Variants in PTPRO observed in about 807,000 individuals in gnomAD.
PTPRO encodes protein tyrosine phosphatase receptor type O.
In PTPRO, 62 loss-of-function variants were observed where a neutral mutation model predicts 145.2. The observed-to-expected ratio is 0.43, with a 90% CI of 0.35 to 0.53. The LOEUF (loss-of-function observed/expected upper bound fraction) is 0.53, where lower values mean the gene tolerates loss of function less well. PTPRO is among the 20% of genes least tolerant of loss of function. PTPRO has a pLI of 0.01. For synonymous variants in PTPRO, 565 were observed against 514.7 expected (o/e 1.10, Z -1.32); for missense variants, 1,345 against 1,482.7 (o/e 0.91, Z 1.53).
At chr12:15,569,798 A>G (rs1943996754) in intron 19 of PTPRO, among the ~76,000 whole-genome samples, 1 of 152,186 alleles carries the variant, frequency 6.6e-6, no homozygotes, top group Non-Finnish European at 1.5e-5. Context: ...ACAAGAAGAA[A>G]AATGCAAGCT....
intron 13 of PTPRO, among the ~76,000 whole-genome samples, chr12:15,546,967 C>T (rs901390195): frequency 2.0e-5 from 3 of 152,020 alleles, no homozygotes; most frequent in African/African-American, 7.2e-5. Context: ...GGTAGTAGGC[C>T]ATTGAATTGA....
At chr12:15,340,013 T>C (rs1020958976) in intron 1 of PTPRO, among the ~76,000 whole-genome samples, 1 of 152,172 alleles carries the variant, frequency 6.6e-6, no homozygotes, top group African/African-American at 2.4e-5. Context: ...AATGATTTAG[T>C]TCTTCCAAGC....
intron 1 of PTPRO, among the ~76,000 whole-genome samples, chr12:15,467,842 A>T (rs1430423768): frequency 6.6e-6 from 1 of 152,214 alleles, no homozygotes; most frequent in Non-Finnish European, 1.5e-5. Flanking sequence ...TCCATGGATG[A>T]TCCACTCATA....
At chr12:15,565,311 T>A in intron 17 of PTPRO, 1 of 294,648 alleles carries the variant, frequency 3.4e-6, no homozygotes, top group Non-Finnish European at 6.3e-6. Context: ...AGCAACTTAA[T>A]CAACAGCAGT....
intron 1 of PTPRO, among the ~76,000 whole-genome samples, chr12:15,369,522 G>A (rs1040014945): frequency 9.9e-5 from 15 of 151,930 alleles, no homozygotes; most frequent in African/African-American, 2.7e-4. Context: ...AATAATTGAT[G>A]GGCCATTAAT....
intron 1 of PTPRO, among the ~76,000 whole-genome samples, chr12:15,370,647 C>T (rs1428133973): frequency 6.6e-6 from 1 of 151,494 alleles, no homozygotes; most frequent in Admixed American, 6.6e-5. Flanking sequence ...ATTCTTAATC[C>T]ATAAAACATT....
intron 1 of PTPRO, among the ~76,000 whole-genome samples, chr12:15,397,539 T>C (rs928630004): frequency 5.3e-5 from 8 of 152,154 alleles, no homozygotes; most frequent in African/African-American, 1.7e-4. Context: ...TTGCCTGAAA[T>C]TGGATTTCAC....
chr12:15,548,233 T>C (rs1943349637), intron 13 of PTPRO, among the ~76,000 whole-genome samples: 1 of 152,070 alleles, frequency 6.6e-6, no homozygotes, highest in African/African-American at 2.4e-5. Context: ...AACTACAATA[T>C]ACAATTTTCA....
intron 17 of PTPRO, among the ~76,000 whole-genome samples, chr12:15,564,682 G>C (rs1012084983): frequency 6.6e-6 from 1 of 152,152 alleles, no homozygotes; most frequent in Non-Finnish European, 1.5e-5. Flanking sequence ...ATTACAACTG[G>C]TTATTTACTA....
chr12:15,514,149 A>AT (rs1216832862), intron 7 of PTPRO, among the ~76,000 whole-genome samples: 2 of 151,972 alleles, frequency 1.3e-5, no homozygotes, highest in African/African-American at 2.4e-5. Flanking sequence ...ACGTATCCAA[A>AT]TTTTTTTTAA....
intron 2 of PTPRO, among the ~76,000 whole-genome samples, chr12:15,492,611 GA>G (rs1275271088): frequency 1.3e-5 from 2 of 151,888 alleles, no homozygotes; most frequent in African/African-American, 4.8e-5. Context: ...TTTTATAAAT[GA>G]AAACATAATT....
At chr12:15,478,678 T>A (rs1941711225) in intron 1 of PTPRO, among the ~76,000 whole-genome samples, 1 of 152,036 alleles carries the variant, frequency 6.6e-6, no homozygotes, top group Admixed American at 6.5e-5. Flanking sequence ...TAAATTAATT[T>A]TTTTTTTCTT....
intron 15 of PTPRO, 31 bp downstream of exon 15, chr12:15,551,702 G>A (rs1463655910): frequency 6.2e-7 from 1 of 1,605,488 alleles, no homozygotes; most frequent in South Asian, 1.1e-5. Context: ...ATTTTATCCG[G>A]AATCTTTAAA....
intron 10 of PTPRO, among the ~76,000 whole-genome samples, chr12:15,522,653 T>C (rs1942749188): frequency 6.6e-6 from 1 of 152,178 alleles, no homozygotes; most frequent in Non-Finnish European, 1.5e-5. Context: ...GAACAAAATA[T>C]TTGAATTAGG....
intron 23 of PTPRO, among the ~76,000 whole-genome samples, chr12:15,585,506 G>A (rs1944412618): frequency 6.6e-6 from 1 of 151,930 alleles, no homozygotes; most frequent in Non-Finnish European, 1.5e-5. Context: ...GTGTAGGGGA[G>A]GTGATAACTT....
At chr12:15,396,444 A>T (rs1243218094) in intron 1 of PTPRO, among the ~76,000 whole-genome samples, 1 of 135,510 alleles carries the variant, frequency 7.4e-6, no homozygotes, top group African/African-American at 2.6e-5. Flanking sequence ...ACTAAATTAC[A>T]AAAAAAATTA....
At chr12:15,343,900 G>A (rs1353238557) in intron 1 of PTPRO, among the ~76,000 whole-genome samples, 9 of 152,246 alleles carry the variant, frequency 5.9e-5, no homozygotes, top group South Asian at 4.1e-4. Context: ...GAGCCAGGAT[G>A]GTCTCGATCT....
chr12:15,470,406 A>G lies in PTPRO; in HGVS notation c.76-13568A>G, dbSNP rs575574283. On this transcript the variant is annotated intron_variant, in intron 1 of 26. Coordinates refer to ENST00000281171, the MANE Select transcript of PTPRO (RefSeq NM_030667.3). Reference sequence around the variant, plus strand: ...GGAATGTTCTGAGGATCAAAGGAGAAAATATATTTGAAAGTGCTTTCTAAA... The same window carrying G: ...GGAATGTTCTGAGGATCAAAGGAGAGAATATATTTGAAAGTGCTTTCTAAA... 2.6e-5 allele frequency among the ~76,000 whole-genome samples: 4 copies of G among 152,362 alleles called. No homozygotes were observed. The South Asian group carries it at 8.3e-4, about 32-fold the overall frequency.
At chr12:15,391,005 G>A (rs1289400209) in intron 1 of PTPRO, among the ~76,000 whole-genome samples, 2 of 152,160 alleles carry the variant, frequency 1.3e-5, no homozygotes, top group African/African-American at 4.8e-5. Context: ...ATGAGAGTAA[G>A]CTATCCAGTC....
Sources: gnomAD v4.1 joint callset for allele counts (sites outside exome capture counted in the v4.1 genomes callset) on GRCh38, gnomAD v4.1.1 for gene constraint, MANE v1.5 for transcripts, NCBI Gene and HGNC (gene_info 2026-07-23, HGNC 2026-07-21) for gene names.